The following DSCAM variants were observed in gnomAD, a reference collection of about 807,000 sequenced individuals.
DSCAM encodes the protein DS cell adhesion molecule.
Under a neutral mutation model 217.7 loss-of-function variants are expected in DSCAM, and 47 were observed. The ratio of observed to expected loss-of-function variants is 0.22; its 90% CI spans 0.17 to 0.28. DSCAM has a LOEUF of 0.28. DSCAM is among the 10% of genes least tolerant of loss of function. The probability of loss-of-function intolerance (pLI) is 1.00; values close to 1 mark genes in which losing one functional copy is unlikely to be tolerated. For missense variants in DSCAM, 2,080 were observed against 2,618.3 expected (o/e 0.79, Z 4.49); for synonymous variants, 1,056 against 1,015.3 (o/e 1.04, Z -0.76).
chr21:40,805,634 A>C (rs2123517179), intron 1 of DSCAM, among the ~76,000 whole-genome samples: 1 of 151,846 alleles, frequency 6.6e-6, no homozygotes, highest in South Asian at 2.1e-4. Context: ...GCCCTATACC[A>C]TCTAGCCTGT....
At chr21:40,206,563 G>A (rs1446173549) in intron 11 of DSCAM, among the ~76,000 whole-genome samples, 1 of 151,998 alleles carries the variant, frequency 6.6e-6, no homozygotes, top group Non-Finnish European at 1.5e-5. Flanking sequence ...TATTTCCTGG[G>A]CCATTTCCAC....
intron 11 of DSCAM, among the ~76,000 whole-genome samples, chr21:40,204,821 G>A (rs566296638): frequency 6.6e-6 from 1 of 152,322 alleles, no homozygotes; most frequent in African/African-American, 2.4e-5. Flanking sequence ...AAGTGTGTCT[G>A]CACATGCACA....
chr21:40,266,692 T>A lies in DSCAM; in HGVS notation c.2356+9405A>T, dbSNP rs369917794. 3.0e-4 allele frequency among the ~76,000 whole-genome samples: 39 copies of A among 132,024 alleles called. 2 individuals are homozygous for A. In the South Asian group the frequency reaches 6.1e-3, roughly 21 times the overall value. 86.6% of individuals were successfully genotyped at this position (132,024 alleles called of 152,430 possible). ...ATATAATCTTGAAATTTTATATATA[T>A]AAAGATGTTATATATAGATTAATCT... On this transcript the variant is annotated intron_variant, in intron 11 of 32. Transcript: ENST00000400454.
chr21:40,293,820 G>T (rs980565942), intron 10 of DSCAM, among the ~76,000 whole-genome samples: 2 of 151,760 alleles, frequency 1.3e-5, no homozygotes, highest in African/African-American at 2.4e-5. Flanking sequence ...GCAAGACTCT[G>T]TCTCCAGAAA....
intron 1 of DSCAM, among the ~76,000 whole-genome samples, chr21:40,730,349 G>GAGACTTCTT (rs1488861665): frequency 6.6e-6 from 1 of 152,172 alleles, no homozygotes; most frequent in Non-Finnish European, 1.5e-5. Flanking sequence ...TTAAAGGAAT[G>GAGACTTCTT]AGACTTCTTA....
At chr21:40,639,871 G>C (rs1473053894) in intron 3 of DSCAM, among the ~76,000 whole-genome samples, 1 of 152,142 alleles carries the variant, frequency 6.6e-6, no homozygotes, top group Non-Finnish European at 1.5e-5. Context: ...AAATATCTGA[G>C]AAGTTATTTT....
intron 3 of DSCAM, among the ~76,000 whole-genome samples, chr21:40,535,177 G>A (rs761961072): frequency 1.1e-4 from 17 of 152,110 alleles, no homozygotes; most frequent in Non-Finnish European, 2.2e-4. Flanking sequence ...CTATCTTAAA[G>A]GTGTAGGGGA....
At chr21:40,617,489 C>T (rs2089419151) in intron 3 of DSCAM, among the ~76,000 whole-genome samples, 1 of 152,246 alleles carries the variant, frequency 6.6e-6, no homozygotes, top group African/African-American at 2.4e-5. Flanking sequence ...AATCTACCCC[C>T]TCCCAGCTCC....
intron 3 of DSCAM, among the ~76,000 whole-genome samples, chr21:40,508,702 C>G (rs2076228217): frequency 7.2e-6 from 1 of 139,154 alleles, no homozygotes; most frequent in Non-Finnish European, 1.5e-5. Context: ...TTGAGTCACT[C>G]AGACCACAGG....
At chr21:40,351,115 C>T (rs111519355) in intron 5 of DSCAM, among the ~76,000 whole-genome samples, 2 of 151,752 alleles carry the variant, frequency 1.3e-5, no homozygotes, top group Non-Finnish European at 2.9e-5. Context: ...GAGGAAAACC[C>T]GTCATTGAAG....
intron 3 of DSCAM, among the ~76,000 whole-genome samples, chr21:40,635,723 A>G (rs973434423): frequency 1.3e-4 from 20 of 152,326 alleles, no homozygotes; most frequent in African/African-American, 4.6e-4. Flanking sequence ...TGTGGTGTGT[A>G]TTTTAGTTTC....
chr21:40,839,883 C>T (rs1465055897), intron 1 of DSCAM, among the ~76,000 whole-genome samples: 2 of 152,190 alleles, frequency 1.3e-5, no homozygotes, highest in African/African-American at 4.8e-5. Context: ...GTCATTCTAA[C>T]TCTCTGTGTA....
Position 40,118,490 on chromosome 21 carries a change from G to A in DSCAM, c.3696+5705C>T, listed in dbSNP as rs572042836. The stretch of plus-strand genomic sequence containing the variant: ...TAATCCCAGCTACTCAGGAGGCTGA[G>A]GCAGGAGAATCGTTTGAACCTGGGA... On this transcript the variant is annotated intron_variant, in intron 20 of 32. Transcript: ENST00000400454. Among the ~76,000 whole-genome samples the A allele has an allele frequency of 6.6e-5, 10 of 152,296 alleles. No individual in the cohort carries two copies. The South Asian group carries it at 2.1e-3, about 32-fold the overall frequency.
chr21:40,042,248 G>A, intron 32 of DSCAM, 123 bp downstream of exon 32: 2 of 984,230 alleles, frequency 2.0e-6, no homozygotes, highest in Non-Finnish European at 3.0e-6. Context: ...TTGTTATGCA[G>A]CCATCCATAA....
chr21:40,247,685 T>A (rs1364342461), intron 11 of DSCAM, among the ~76,000 whole-genome samples: 2 of 152,364 alleles, frequency 1.3e-5, no homozygotes, highest in Non-Finnish European at 2.9e-5. Flanking sequence ...GTTGAATGTC[T>A]GTGACTTTTG....
intron 11 of DSCAM, among the ~76,000 whole-genome samples, chr21:40,206,686 C>A (rs13049234): frequency 0.45 from 59,332 of 130,538 alleles, 11,953 homozygotes; most frequent in African/African-American, 0.58. Context: ...TGGGATTTGC[C>A]AAAAAAAAAA....
intron 3 of DSCAM, among the ~76,000 whole-genome samples, chr21:40,476,204 T>C (rs1029360041): frequency 6.6e-6 from 1 of 152,178 alleles, no homozygotes; most frequent in African/African-American, 2.4e-5. Flanking sequence ...GGTCCCCATT[T>C]GAAGGCCCTT....
At chr21:40,602,327 C>T (rs1882087096) in intron 3 of DSCAM, among the ~76,000 whole-genome samples, 1 of 152,164 alleles carries the variant, frequency 6.6e-6, no homozygotes, top group South Asian at 2.1e-4. Context: ...TCTCAAAGTG[C>T]TGAGATCATA....
At chr21:40,841,457 G>A (rs769549137) in intron 1 of DSCAM, among the ~76,000 whole-genome samples, 1 of 152,196 alleles carries the variant, frequency 6.6e-6, no homozygotes, top group African/African-American at 2.4e-5. Context: ...AATATAGTTG[G>A]GGGGAGGGGC....
Sources: gnomAD v4.1 joint callset for allele counts (sites outside exome capture counted in the v4.1 genomes callset) on GRCh38, gnomAD v4.1.1 for gene constraint, MANE v1.5 for transcripts, NCBI Gene and HGNC (gene_info 2026-07-23, HGNC 2026-07-21) for gene names.